The following DTNBP1 variants were observed in gnomAD, a reference collection of about 807,000 sequenced individuals.
The protein encoded by DTNBP1 is dystrobrevin binding protein 1, also known as dysbindin.
Under a neutral mutation model 42.8 loss-of-function variants are expected in DTNBP1, and 35 were observed. The ratio of observed to expected loss-of-function variants is 0.82; its 90% confidence interval spans 0.63 to 1.09. DTNBP1 has a LOEUF of 1.09. Among genes scored for constraint, DTNBP1 ranks in the 50% least tolerant of loss-of-function variants. DTNBP1 has a pLI of 0.00. For missense variants in DTNBP1, 457 were observed against 424.2 expected (o/e 1.08, Z -0.68); for synonymous variants, 171 against 162.2 (o/e 1.05, Z -0.41).
intron 7 of DTNBP1, among the ~76,000 whole-genome samples, chr6:15,538,778 C>CA (rs1561944440): frequency 7.9e-5 from 12 of 152,290 alleles, no homozygotes; most frequent in African/African-American, 2.2e-4. Context: ...GCTATTACTC[C>CA]GGAAAATCTA....
At position 15,615,258 on chromosome 6, in the gene DTNBP1, CA is replaced by C; in HGVS notation, c.488+8del. The C allele has an allele frequency of 6.2e-7, 1 of 1,614,112 alleles. No individual in the cohort carries two copies. The highest frequency in any genetic ancestry group is 8.5e-7 in the Non-Finnish European group (1 of 1,180,004). On this transcript the variant is annotated splice_region_variant and intron_variant, in intron 6 of 9. Coordinates refer to ENST00000344537, the MANE Select transcript of DTNBP1 (RefSeq NM_032122.5). ...GGAATGAATACTGTGGCAAACTTTT[CA>C]AACTCACCTCTTATTTTTCTTGTAA...
chr6:15,588,345 G>T (rs1011069718), intron 7 of DTNBP1, among the ~76,000 whole-genome samples: 2 of 152,020 alleles, frequency 1.3e-5, no homozygotes, highest in Admixed American at 6.6e-5. Context: ...ATGCAAATCT[G>T]ATCCTTCTAC....
chr6:15,550,055 C>A (rs1774123549), intron 7 of DTNBP1, among the ~76,000 whole-genome samples: 1 of 152,194 alleles, frequency 6.6e-6, no homozygotes, highest in Admixed American at 6.5e-5. Context: ...CAGCTCCCCA[C>A]CGTCCATCAG....
At chr6:15,659,510 T>A (rs1162967448) in intron 1 of DTNBP1, among the ~76,000 whole-genome samples, 1 of 152,096 alleles carries the variant, frequency 6.6e-6, no homozygotes, top group East Asian at 1.9e-4. Context: ...GCCAGGGCCA[T>A]GTTTTTTCAT....
At chr6:15,602,406 C>T (rs1440286756) in intron 6 of DTNBP1, among the ~76,000 whole-genome samples, 1 of 152,160 alleles carries the variant, frequency 6.6e-6, no homozygotes, top group Non-Finnish European at 1.5e-5. Context: ...CTGCCTGTCC[C>T]AGCTCTCATA....
At position 15,615,641 on chromosome 6, in the gene DTNBP1, C is replaced by T. The variant is rs967038513; in HGVS notation, c.356-242G>A. Among the ~76,000 whole-genome samples the T allele has an allele frequency of 6.6e-5, 10 of 152,074 alleles. No homozygotes were observed. The East Asian group carries it at 1.7e-3, about 26-fold the overall frequency. The stretch of plus-strand genomic sequence containing the variant: ...AATAACTTTCCTAAACACTTATTAA[C>T]CAGGAAGACAAAGAAATGGAGAAAC... On this transcript the variant is annotated intron_variant, in intron 5 of 9. Coordinates refer to ENST00000344537, the MANE Select transcript of DTNBP1 (RefSeq NM_032122.5).
chr6:15,645,353 C>A (rs985650232), intron 3 of DTNBP1, among the ~76,000 whole-genome samples: 6 of 152,042 alleles, frequency 3.9e-5, no homozygotes, highest in Admixed American at 3.9e-4. Flanking sequence ...CTAAATTCCA[C>A]CAGATGTACA....
intron 4 of DTNBP1, among the ~76,000 whole-genome samples, chr6:15,637,090 T>C (rs1471630566): frequency 6.6e-6 from 1 of 152,176 alleles, no homozygotes; most frequent in South Asian, 2.1e-4. Flanking sequence ...CTTCATTAAT[T>C]TAGGTAAATG....
At chr6:15,539,333 C>T (rs923778439) in intron 7 of DTNBP1, among the ~76,000 whole-genome samples, 12 of 152,232 alleles carry the variant, frequency 7.9e-5, no homozygotes, top group Admixed American at 5.2e-4. Flanking sequence ...TACGTGAAGA[C>T]GGTCTGCCAC....
chr6:15,604,639 C>G (rs1395646727), intron 6 of DTNBP1, among the ~76,000 whole-genome samples: 3 of 152,126 alleles, frequency 2.0e-5, no homozygotes, highest in Non-Finnish European at 4.4e-5. Context: ...GTCTCTAGAA[C>G]ATACACTGGT....
At chr6:15,553,750 T>C (rs189908902) in intron 7 of DTNBP1, among the ~76,000 whole-genome samples, 68 of 152,180 alleles carry the variant, frequency 4.5e-4, no homozygotes, top group African/African-American at 1.6e-3. Flanking sequence ...TAATTCCTTT[T>C]ATTTATGATT....
chr6:15,579,830 G>C, intron 7 of DTNBP1: 1 of 454,640 alleles, frequency 2.2e-6, no homozygotes, highest in Non-Finnish European at 4.4e-6. Context: ...AAAGAAAAGA[G>C]TGAATTTTGA....
chr6:15,607,365 G>A (rs562786695), intron 6 of DTNBP1, among the ~76,000 whole-genome samples: 94 of 152,200 alleles, frequency 6.2e-4, no homozygotes, highest in Non-Finnish European at 1.1e-3. Context: ...GCAGTGGCAC[G>A]ATCTTGGCTC....
chr6:15,528,108 G>T (rs1772542317), intron 8 of DTNBP1, among the ~76,000 whole-genome samples: 1 of 152,146 alleles, frequency 6.6e-6, no homozygotes, highest in African/African-American at 2.4e-5. Context: ...TGTAGACAAG[G>T]TTCGTCAACA....
chr6:15,582,553 C>T (rs1021753464), intron 7 of DTNBP1, among the ~76,000 whole-genome samples: 3 of 152,068 alleles, frequency 2.0e-5, no homozygotes, highest in African/African-American at 7.2e-5. Context: ...ATATTCTGTG[C>T]CACATTAATT....
At chr6:15,525,169 G>C (rs35377049) in intron 8 of DTNBP1, among the ~76,000 whole-genome samples, 1 of 152,208 alleles carries the variant, frequency 6.6e-6, no homozygotes, top group Non-Finnish European at 1.5e-5. Context: ...TCTGTAAGCT[G>C]TAAGAGCTCC....
At chr6:15,591,110 CTTTT>C (rs1293474353) in intron 7 of DTNBP1, among the ~76,000 whole-genome samples, 2 of 140,062 alleles carry the variant, frequency 1.4e-5, no homozygotes, top group Admixed American at 7.1e-5. Flanking sequence ...TTATAGGGTA[CTTTT>C]TTTTTTTTTT....
intron 3 of DTNBP1, among the ~76,000 whole-genome samples, chr6:15,648,428 G>A (rs541500922): frequency 5.9e-5 from 9 of 151,968 alleles, no homozygotes; most frequent in African/African-American, 2.2e-4. Flanking sequence ...GAAATAAAAG[G>A]TATTCAAATT....
At chr6:15,603,967 T>C (rs1257894042) in intron 6 of DTNBP1, among the ~76,000 whole-genome samples, 2 of 152,168 alleles carry the variant, frequency 1.3e-5, no homozygotes, top group Admixed American at 1.3e-4. Context: ...TCTCTGGGAC[T>C]ATGTCCTGTA....
Sources: allele counts gnomAD v4.1 joint callset (sites outside exome capture counted in the v4.1 genomes callset), GRCh38; gene constraint gnomAD v4.1.1; transcripts MANE v1.5; gene names NCBI Gene and HGNC (gene_info 2026-07-23, HGNC 2026-07-21).